AGTPBP1: variants seen among roughly 807,000 people sequenced by gnomAD.
AGTPBP1 encodes the protein cytosolic carboxypeptidase 1.
Under a neutral mutation model 143.9 loss-of-function variants are expected in AGTPBP1, and 70 were observed. That is an observed-to-expected ratio of 0.49 (90% CI 0.40 to 0.59). The LOEUF (loss-of-function observed/expected upper bound fraction) is 0.59, where lower values mean the gene tolerates loss of function less well. AGTPBP1 is among the 20% of genes least tolerant of loss of function. AGTPBP1 has a pLI of 0.00. For synonymous variants in AGTPBP1, 463 were observed against 500.2 expected, an observed-to-expected ratio of 0.93 and a Z score of 0.99; for missense variants, 1,229 against 1,464.5, an observed-to-expected ratio of 0.84 and a Z score of 2.62.
chr9:85,689,842 T>A (rs911821587), intron 3 of AGTPBP1, among the ~76,000 whole-genome samples: 2 of 127,568 alleles, frequency 1.6e-5, no homozygotes, highest in African/African-American at 6.1e-5. Context: ...TTGCCATGAG[T>A]GGAGATTGTG....
chr9:85,700,285 G>T (rs536062683), intron 2 of AGTPBP1, among the ~76,000 whole-genome samples: 23 of 152,144 alleles, frequency 1.5e-4, no homozygotes, highest in African/African-American at 5.3e-4. Context: ...TGTAATTCCT[G>T]CTCACATTAC....
chr9:85,642,927 G>GT lies in AGTPBP1; in HGVS notation c.1201dup (p.Thr401AsnfsTer4). On this transcript the variant is annotated frameshift_variant, in exon 13 of 26. Transcript: ENST00000357081. LOFTEE classifies it high-confidence loss of function. ...CTGGGGTTTTAGTTTGTTAATATCT[G>GT]TTTCAATATCATCATTCTGAAATGA... 1.2e-6 allele frequency: 2 copies of GT among 1,611,410 alleles called. No individual in the cohort carries two copies. Among genetic ancestry groups the GT allele is most frequent in the Non-Finnish European group, 1.7e-6 (2 of 1,178,498 alleles).
intron 10 of AGTPBP1, among the ~76,000 whole-genome samples, chr9:85,656,374 T>C (rs1833509286): frequency 6.6e-6 from 1 of 152,186 alleles, no homozygotes; most frequent in African/African-American, 2.4e-5. Flanking sequence ...CTCTTTCTCA[T>C]ATATAAAATA....
chr9:85,799,695 T>A, the AGTPBP1 span, among the ~76,000 whole-genome samples: 1 of 152,186 alleles, frequency 6.6e-6, no homozygotes, highest in East Asian at 1.9e-4. Context: ...TTTTATTATT[T>A]TTCGTAGAGG....
At chr9:85,585,185 T>A (rs558378081) in intron 23 of AGTPBP1, among the ~76,000 whole-genome samples, 5 of 152,296 alleles carry the variant, frequency 3.3e-5, no homozygotes, top group Admixed American at 2.6e-4. Flanking sequence ...ATGTAACAGA[T>A]GGCATCATCA....
chr9:85,685,424 T>C (rs1835430628), intron 3 of AGTPBP1, among the ~76,000 whole-genome samples: 1 of 151,312 alleles, frequency 6.6e-6, no homozygotes, highest in African/African-American at 2.4e-5. Flanking sequence ...GACAACAGAG[T>C]TCTCATTTGA....
At chr9:85,760,275 C>T in the AGTPBP1 span, among the ~76,000 whole-genome samples, 433 of 152,162 alleles carry the variant, frequency 2.8e-3, no homozygotes, top group South Asian at 7.3e-3. Flanking sequence ...TTTATGAGGC[C>T]AGCATCATCC....
intron 12 of AGTPBP1, among the ~76,000 whole-genome samples, chr9:85,645,572 C>G (rs1229810215): frequency 1.3e-5 from 2 of 152,046 alleles, no homozygotes; most frequent in Admixed American, 6.6e-5. Context: ...CAAAGTGAAT[C>G]GAATACTCAG....
At chr9:85,716,004 A>C (rs1479312366) in intron 1 of AGTPBP1, among the ~76,000 whole-genome samples, 1 of 151,984 alleles carries the variant, frequency 6.6e-6, no homozygotes, top group Non-Finnish European at 1.5e-5. Flanking sequence ...CTCCCAATTC[A>C]GCTACTGTCC....
chr9:85,616,541 T>C (rs970354032), intron 17 of AGTPBP1, among the ~76,000 whole-genome samples: 10 of 151,950 alleles, frequency 6.6e-5, no homozygotes, highest in Non-Finnish European at 1.3e-4. Flanking sequence ...TGCAATCTAC[T>C]TGTAGCACTT....
At chr9:85,557,548 G>T (rs1826429888) in intron 25 of AGTPBP1, among the ~76,000 whole-genome samples, 1 of 152,136 alleles carries the variant, frequency 6.6e-6, no homozygotes, top group Admixed American at 6.5e-5. Flanking sequence ...TCCCAGAAAT[G>T]CAAACCAGAC....
chr9:85,632,658 T>A lies in AGTPBP1; in HGVS notation c.2015+4A>T. 6.4e-7 allele frequency: 1 copy of A among 1,571,624 alleles called. No individual in the cohort carries two copies. Among genetic ancestry groups the A allele is most frequent in the African/African-American group, 1.4e-5 (1 of 73,500 alleles). Reference sequence around the variant, plus strand: ...TTAGAAGAGGGAAGAAATATGCAACTCACCTTTGTACACCATAAGGCCTTT... The same window carrying A: ...TTAGAAGAGGGAAGAAATATGCAACACACCTTTGTACACCATAAGGCCTTT... On this transcript the variant is annotated splice_donor_region_variant and intron_variant, in intron 14 of 25. Coordinates refer to ENST00000357081, the MANE Select transcript of AGTPBP1 (RefSeq NM_001330701.2).
chr9:85,647,372 T>G (rs1467423290), intron 11 of AGTPBP1, among the ~76,000 whole-genome samples: 1 of 152,172 alleles, frequency 6.6e-6, no homozygotes, highest in African/African-American at 2.4e-5. Flanking sequence ...ACATGCTTGG[T>G]GTAAATATAG....
chr9:85,643,998 G>A (rs1662898188), intron 12 of AGTPBP1, among the ~76,000 whole-genome samples: 2 of 151,842 alleles, frequency 1.3e-5, no homozygotes, highest in Non-Finnish European at 2.9e-5. Context: ...ATTTTACTAT[G>A]CTTCAATCCT....
chr9:85,596,269 A>G (rs1028391193), intron 18 of AGTPBP1, 93 bp downstream of exon 18: 1 of 834,778 alleles, frequency 1.2e-6, no homozygotes, highest in East Asian at 2.7e-5. Flanking sequence ...GTATGCAATA[A>G]TAACTCTACT....
At chr9:85,680,913 T>A (rs1278433754) in intron 4 of AGTPBP1, among the ~76,000 whole-genome samples, 1 of 152,240 alleles carries the variant, frequency 6.6e-6, no homozygotes, top group Non-Finnish European at 1.5e-5. Flanking sequence ...TCATTTGTTT[T>A]AAGCTAAAGA....
intron 14 of AGTPBP1, among the ~76,000 whole-genome samples, chr9:85,622,981 G>GT (rs989685575): frequency 6.6e-6 from 1 of 152,048 alleles, no homozygotes; most frequent in African/African-American, 2.4e-5. Context: ...TTTGGTTTTT[G>GT]TTTTTTTAGC....
chr9:85,720,891 G>A (rs931247976), intron 1 of AGTPBP1, among the ~76,000 whole-genome samples: 6 of 152,092 alleles, frequency 3.9e-5, no homozygotes, highest in East Asian at 1.9e-4. Context: ...TTCAAAGAAC[G>A]TCTTTATCTC....
In AGTPBP1 at chr9:85,672,607, G is replaced by A; in HGVS notation, c.511C>T (p.Gln171Ter). 1 of 1,612,568 alleles carries A rather than the reference G, an allele frequency of 6.2e-7. No homozygotes were observed. The highest frequency in any genetic ancestry group is 8.5e-7 in the Non-Finnish European group (1 of 1,179,728). ...CAAGGTAGAACCAAGCGATGATTCT[G>A]CAAATTCTGCTTGACCAAATTCAGG... ...ITLNLVKQNL[Q>*]NHRLVLPCLQ... The change falls in exon 7 of 26, where the codon CAG (glutamine) becomes TAG (stop). Residue 171 changes from glutamine to a stop codon, truncating the protein, a stop_gained. Transcript: ENST00000357081. LOFTEE classifies it high-confidence loss of function.
Sources: allele counts gnomAD v4.1 joint callset (sites outside exome capture counted in the v4.1 genomes callset), GRCh38; gene constraint gnomAD v4.1.1; transcripts MANE v1.5; gene names NCBI Gene and HGNC (gene_info 2026-07-23, HGNC 2026-07-21).